The following FMNL2 variants were observed in gnomAD, a reference collection of about 807,000 sequenced individuals.
The protein encoded by FMNL2 is formin like 2.
In FMNL2, 51 loss-of-function variants were observed where a neutral mutation model predicts 130.2. The observed-to-expected ratio is 0.39, with a 90% confidence interval of 0.31 to 0.49. The LOEUF (loss-of-function observed/expected upper bound fraction) is 0.49, where lower values mean the gene tolerates loss of function less well. FMNL2 is among the 20% of genes least tolerant of loss of function. The pLI, the probability that FMNL2 is intolerant of heterozygous loss-of-function variation, is 0.85. For synonymous variants in FMNL2, 465 were observed against 467.1 expected (o/e 1.00, Z 0.06); for missense variants, 977 against 1,316.2 (o/e 0.74, Z 3.99).
intron 5 of FMNL2, 36 bp downstream of exon 5, chr2:152,558,859 A>T: frequency 6.3e-7 from 1 of 1,580,196 alleles, no homozygotes; most frequent in Non-Finnish European, 8.7e-7. Context: ...TTTGAATTTT[A>T]TGTGGTCACA....
At chr2:152,432,026 T>C (rs796500321) in intron 1 of FMNL2, among the ~76,000 whole-genome samples, 79 of 151,450 alleles carry the variant, frequency 5.2e-4, no homozygotes, top group African/African-American at 1.8e-3. Context: ...CTGAAGATTT[T>C]TGAGAAAATA....
At chr2:152,589,789 A>T (rs1371862875) in intron 9 of FMNL2, among the ~76,000 whole-genome samples, 2 of 151,414 alleles carry the variant, frequency 1.3e-5, no homozygotes, top group Admixed American at 6.6e-5. Context: ...CTATTTAAGG[A>T]TCTTCTTGGT....
At chr2:152,445,373 T>A (rs1158350558) in intron 1 of FMNL2, among the ~76,000 whole-genome samples, 1 of 152,216 alleles carries the variant, frequency 6.6e-6, no homozygotes, top group African/African-American at 2.4e-5. Flanking sequence ...AGAAGCCTTG[T>A]ATTCTGTAAA....
At position 152,496,569 on chromosome 2, in the gene FMNL2, G is replaced by C. The variant is rs6710651; in HGVS notation, c.118-25374G>C. 4.9e-3 allele frequency among the ~76,000 whole-genome samples: 748 copies of C among 152,264 alleles called. 2 individuals carry two copies. Among genetic ancestry groups the C allele is most frequent in the Middle Eastern group, 0.017 (5 of 294 alleles). ...CATTTGCTAATTAATTTTAGCGTTT[G>C]TTGATTTCCTGGCTGCATCAATTAT... On this transcript the variant is annotated intron_variant, in intron 1 of 25. Transcript: ENST00000288670.
intron 1 of FMNL2, among the ~76,000 whole-genome samples, chr2:152,415,559 C>T (rs1686563975): frequency 6.6e-6 from 1 of 152,174 alleles, no homozygotes; most frequent in African/African-American, 2.4e-5. Flanking sequence ...AGAATCTAGG[C>T]ATACCTCAGG....
At chr2:152,356,730 A>G (rs12471699) in intron 1 of FMNL2, among the ~76,000 whole-genome samples, 100,542 of 139,576 alleles carry the variant, frequency 0.72, 35,863 homozygotes, top group Admixed American at 0.83. Flanking sequence ...CACTTTTTGC[A>G]CTTTTGTGCT....
intron 1 of FMNL2, among the ~76,000 whole-genome samples, chr2:152,468,096 G>A (rs1689653417): frequency 6.6e-6 from 1 of 152,224 alleles, no homozygotes; most frequent in South Asian, 2.1e-4. Flanking sequence ...TTTAGCCCCT[G>A]AATGACAAAG....
At chr2:152,438,369 G>C (rs1009226611) in intron 1 of FMNL2, among the ~76,000 whole-genome samples, 1 of 152,172 alleles carries the variant, frequency 6.6e-6, no homozygotes, top group African/African-American at 2.4e-5. Context: ...GGCCACGCAG[G>C]TAACCTTAAG....
At chr2:152,493,165 T>G (rs897723586) in intron 1 of FMNL2, among the ~76,000 whole-genome samples, 2 of 152,206 alleles carry the variant, frequency 1.3e-5, no homozygotes, top group Admixed American at 6.5e-5. Flanking sequence ...CTATTGGAAT[T>G]TAAAGAAGCA....
chr2:152,476,471 G>A (rs1253094018), intron 1 of FMNL2, among the ~76,000 whole-genome samples: 1 of 152,132 alleles, frequency 6.6e-6, no homozygotes, highest in East Asian at 1.9e-4. Flanking sequence ...AAGAGTGTGA[G>A]ACCAGTCTAG....
At chr2:152,477,120 T>C (rs1690197584) in intron 1 of FMNL2, among the ~76,000 whole-genome samples, 1 of 152,206 alleles carries the variant, frequency 6.6e-6, no homozygotes, top group Non-Finnish European at 1.5e-5. Context: ...GCAAGTAGCT[T>C]GGAACCTCCC....
chr2:152,408,051 G>C (rs767787704), intron 1 of FMNL2, among the ~76,000 whole-genome samples: 1 of 152,194 alleles, frequency 6.6e-6, no homozygotes, highest in African/African-American at 2.4e-5. Flanking sequence ...ATGGGGGCTG[G>C]AAGGTGGCAG....
intron 1 of FMNL2, among the ~76,000 whole-genome samples, chr2:152,473,124 T>C (rs578081297): frequency 9.9e-5 from 15 of 152,198 alleles, no homozygotes; most frequent in Non-Finnish European, 1.8e-4. Context: ...GGAAAAGAAA[T>C]ACAGTAATAG....
intron 9 of FMNL2, among the ~76,000 whole-genome samples, chr2:152,601,849 T>C (rs1309828533): frequency 1.3e-5 from 2 of 151,764 alleles, no homozygotes; most frequent in Non-Finnish European, 2.9e-5. Flanking sequence ...TTTGTATTTC[T>C]AGTAGAAACG....
rs765809239 is a variant in FMNL2, at chr2:152,567,011, T to C, written c.596+5976T>C. 1.1e-4 allele frequency among the ~76,000 whole-genome samples: 16 copies of C among 152,300 alleles called. No homozygotes were observed. In the South Asian group the frequency reaches 1.2e-3, roughly 12 times the overall value. On this transcript the variant is annotated intron_variant, in intron 6 of 25. Transcript: ENST00000288670. ...TCGTTTAGAGACAGTTTATGTACTA[T>C]TCTGAAGGTTAGTCTGTGAAATTGT... is the stretch of plus-strand genomic sequence containing the variant.
chr2:152,592,359 GT>G (rs778653290), intron 9 of FMNL2, among the ~76,000 whole-genome samples: 30 of 152,286 alleles, frequency 2.0e-4, no homozygotes, highest in Non-Finnish European at 3.8e-4. Context: ...TGTGAGTCAA[GT>G]TCAAATTTCA....
At chr2:152,545,291 G>T (rs536311029) in intron 3 of FMNL2, among the ~76,000 whole-genome samples, 4 of 152,086 alleles carry the variant, frequency 2.6e-5, no homozygotes, top group African/African-American at 9.6e-5. Flanking sequence ...ATTTCAATTC[G>T]GGGCTTTAAA....
intron 1 of FMNL2, chr2:152,390,703 C>A: frequency 1.4e-6 from 1 of 739,310 alleles, no homozygotes; most frequent in Non-Finnish European, 2.5e-6. Context: ...TCCCACTCTT[C>A]TCTGGCCCTT....
At chr2:152,527,734 A>T (rs1372264364) in intron 2 of FMNL2, among the ~76,000 whole-genome samples, 1 of 152,050 alleles carries the variant, frequency 6.6e-6, no homozygotes, top group Non-Finnish European at 1.5e-5. Flanking sequence ...TCATATGATC[A>T]CTTCTTTGAT....
Sources: allele counts gnomAD v4.1 joint callset (sites outside exome capture counted in the v4.1 genomes callset), GRCh38; gene constraint gnomAD v4.1.1; transcripts MANE v1.5; gene names NCBI Gene and HGNC (gene_info 2026-07-23, HGNC 2026-07-21).